The following PLEKHM3 variants were observed in gnomAD, a reference collection of about 807,000 sequenced individuals.
The protein encoded by PLEKHM3 is pleckstrin homology domain-containing family M member 3.
In PLEKHM3, 45 loss-of-function variants were observed where a neutral mutation model predicts 81.8. The ratio of observed to expected loss-of-function variants is 0.55; its 90% confidence interval spans 0.43 to 0.71. The LOEUF (loss-of-function observed/expected upper bound fraction) is 0.71, where lower values mean the gene tolerates loss of function less well. Ranked by LOEUF, PLEKHM3 falls within the 30% of genes least tolerant of loss-of-function variation. PLEKHM3 has a pLI of 0.00. For synonymous variants in PLEKHM3, 352 were observed against 356.4 expected (o/e 0.99, Z 0.14); for missense variants, 788 against 924.3 (o/e 0.85, Z 1.91).
rs549229458 is a variant in PLEKHM3 at position 207,847,031 on chromosome 2, T to C, written c.2108+14074A>G. ...CTCTTTAAACAGCAAAAAATTAAGC[T>C]GTCTGAAATGCTTAAAGCTAAGATG... is the stretch of plus-strand genomic sequence containing the variant. On this transcript the variant is annotated intron_variant, in intron 7 of 7. Coordinates refer to ENST00000427836, the MANE Select transcript of PLEKHM3 (RefSeq NM_001080475.3). Among the ~76,000 whole-genome samples the C allele has an allele frequency of 1.1e-4, 17 of 152,316 alleles. No individual in the cohort carries two copies. In the East Asian group the frequency reaches 3.1e-3, roughly 28 times the overall value.
At chr2:207,842,795 A>G (rs754465487) in intron 7 of PLEKHM3, among the ~76,000 whole-genome samples, 59 of 152,288 alleles carry the variant, frequency 3.9e-4, no homozygotes, top group Admixed American at 2.1e-3. Flanking sequence ...TATTTTTTTC[A>G]ACACCACACA....
intron 5 of PLEKHM3, among the ~76,000 whole-genome samples, chr2:207,927,201 C>T (rs1214106804): frequency 6.6e-6 from 1 of 152,144 alleles, no homozygotes; most frequent in African/African-American, 2.4e-5. Flanking sequence ...GTTTAAACTC[C>T]CCCACTTTAG....
chr2:207,948,551 T>TG (rs1372969274), intron 3 of PLEKHM3, among the ~76,000 whole-genome samples: 1 of 149,016 alleles, frequency 6.7e-6, no homozygotes, highest in Non-Finnish European at 1.5e-5. Flanking sequence ...TTTTTGTTTT[T>TG]TTTTTTTTTT....
chr2:207,889,368 A>G (rs1559222947), intron 6 of PLEKHM3, among the ~76,000 whole-genome samples: 1 of 150,626 alleles, frequency 6.6e-6, no homozygotes, highest in Non-Finnish European at 1.5e-5. Context: ...ATAGGCCACT[A>G]TGTTAACAAA....
rs772574209 is a variant in PLEKHM3 at position 207,931,085 on chromosome 2, A to C, written c.1727T>G (p.Val576Gly). The C allele has an allele frequency of 3.8e-5, 62 of 1,613,694 alleles. No individual in the cohort carries two copies. The highest frequency in any genetic ancestry group is 5.1e-5 in the Non-Finnish European group (60 of 1,179,768). The change falls in exon 5 of 8, where the codon GTG (valine) becomes GGG (glycine). Residue 576 changes from valine (V) to glycine (G), a missense_variant. Transcript: ENST00000427836. ...SKQAKEFLEYVYEEPLIDIQQ... is the reference protein window; with the variant it reads ...SKQAKEFLEYGYEEPLIDIQQ... The stretch of plus-strand genomic sequence containing the variant: ...GATGTCGATGAGCGGCTCTTCGTAC[A>C]CGTACTCCAGAAACTCCTTGGCCTG...
At chr2:208,024,142 CAAAAT>C (rs57377948) in intron 1 of PLEKHM3, among the ~76,000 whole-genome samples, 304 of 137,788 alleles carry the variant, frequency 2.2e-3, no homozygotes, top group South Asian at 0.019. Context: ...GACCCTGTCT[CAAAAT>C]AAAATAAAAT....
Position 207,826,868 on chromosome 2 carries a change from T to G in PLEKHM3, c.*1451A>C, listed in dbSNP as rs932686280. On this transcript the variant is annotated 3_prime_UTR_variant, in exon 8 of 8. Transcript: ENST00000427836. ...AGAACTGTTCCATTATAAACATATT[T>G]TTCTTGCTCTAGGGAGAGTTAAGGG... 1.3e-5 allele frequency: 2 copies of G among 152,152 alleles called. No homozygotes were observed. Among genetic ancestry groups the G allele is most frequent in the African/African-American group, 2.4e-5 (1 of 41,430 alleles). The allele number at this position is 152,152 out of a possible 1,614,324, so 9.4% of individuals were successfully genotyped here.
chr2:207,852,392 A>G (rs908430042), intron 7 of PLEKHM3, among the ~76,000 whole-genome samples: 1 of 152,152 alleles, frequency 6.6e-6, no homozygotes, highest in African/African-American at 2.4e-5. Flanking sequence ...GTACTAATAA[A>G]TGTTAGTGCC....
In PLEKHM3 at chr2:207,984,413, C is replaced by T. The variant is rs369604638; in HGVS notation, c.611-6827G>A. Among the ~76,000 whole-genome samples, 101 of 150,558 alleles carry T rather than the reference C, an allele frequency of 6.7e-4. 2 individuals carry two copies. The highest frequency in any genetic ancestry group is 2.2e-3 in the African/African-American group (90 of 41,012). On this transcript the variant is annotated intron_variant, in intron 2 of 7. Transcript: ENST00000427836. The stretch of plus-strand genomic sequence containing the variant: ...AAATATTTCTTTTTTTTTTTTGAGA[C>T]GGAGTCTTGCTCTGTTGCCCAGGCT...
chr2:207,935,772 C>T (rs1689730413), intron 4 of PLEKHM3, among the ~76,000 whole-genome samples: 1 of 152,122 alleles, frequency 6.6e-6, no homozygotes, highest in South Asian at 2.1e-4. Flanking sequence ...AATAATGTTA[C>T]CATACTCTAT....
chr2:207,990,660 A>T (rs1291641310), intron 2 of PLEKHM3, among the ~76,000 whole-genome samples: 1 of 152,218 alleles, frequency 6.6e-6, no homozygotes, highest in Non-Finnish European at 1.5e-5. Flanking sequence ...GTGATACTAC[A>T]GGAATCAAAG....
At chr2:207,984,308 C>T (rs975279322) in intron 2 of PLEKHM3, among the ~76,000 whole-genome samples, 13 of 152,182 alleles carry the variant, frequency 8.5e-5, no homozygotes, top group East Asian at 1.9e-4. Context: ...AAAATATATA[C>T]GATACTTTTT....
intron 2 of PLEKHM3, among the ~76,000 whole-genome samples, chr2:207,991,635 C>CT (rs1691903610): frequency 6.6e-6 from 1 of 152,142 alleles, no homozygotes; most frequent in Admixed American, 6.5e-5. Flanking sequence ...GCCCTGCTCT[C>CT]TCTCTTCCTG....
At chr2:208,019,902 A>G (rs1282581284) in intron 1 of PLEKHM3, among the ~76,000 whole-genome samples, 2 of 152,258 alleles carry the variant, frequency 1.3e-5, no homozygotes, top group African/African-American at 4.8e-5. Flanking sequence ...TTAACAAATT[A>G]ATGAATCCCT....
chr2:207,979,102 T>G (rs1691430778), intron 2 of PLEKHM3, among the ~76,000 whole-genome samples: 1 of 152,204 alleles, frequency 6.6e-6, no homozygotes, highest in Non-Finnish European at 1.5e-5. Flanking sequence ...ATTCCCCTCC[T>G]ATCTTCTTTT....
chr2:207,874,878 C>G (rs1235554790), intron 6 of PLEKHM3, among the ~76,000 whole-genome samples: 1 of 151,876 alleles, frequency 6.6e-6, no homozygotes, highest in Non-Finnish European at 1.5e-5. Context: ...GTATGAGCCA[C>G]CATGTCTGGC....
intron 6 of PLEKHM3, among the ~76,000 whole-genome samples, chr2:207,895,369 A>T (rs937672525): frequency 1.3e-5 from 2 of 152,202 alleles, no homozygotes; most frequent in Non-Finnish European, 2.9e-5. Context: ...AGCAGGCAGG[A>T]GGCAGAGAAA....
intron 7 of PLEKHM3, among the ~76,000 whole-genome samples, chr2:207,833,198 A>G (rs1268314575): frequency 2.6e-5 from 4 of 152,062 alleles, no homozygotes; most frequent in Non-Finnish European, 4.4e-5. Flanking sequence ...GATTTAGCAC[A>G]TACAACTTTT....
intron 4 of PLEKHM3, among the ~76,000 whole-genome samples, chr2:207,939,598 C>T (rs566232723): frequency 6.6e-6 from 1 of 152,274 alleles, no homozygotes; most frequent in Non-Finnish European, 1.5e-5. Context: ...ACACCCTGTG[C>T]CAGGTGCTTT....
Sources: gnomAD v4.1 joint callset for allele counts (sites outside exome capture counted in the v4.1 genomes callset) on GRCh38, gnomAD v4.1.1 for gene constraint, MANE v1.5 for transcripts, NCBI Gene and HGNC (gene_info 2026-07-23, HGNC 2026-07-21) for gene names.